ETV6: variants seen among roughly 807,000 people sequenced by gnomAD.
ETV6 encodes the protein transcription factor ETV6.
Under a neutral mutation model 51.1 loss-of-function variants are expected in ETV6, and 16 were observed. The ratio of observed to expected loss-of-function variants is 0.31; its 90% confidence interval spans 0.21 to 0.48. The LOEUF is 0.48. ETV6 is among the 20% of genes least tolerant of loss of function. The pLI, the probability that ETV6 is intolerant of heterozygous loss-of-function variation, is 0.99. For missense variants in ETV6, 458 were observed against 594.8 expected (o/e 0.77, Z 2.39); for synonymous variants, 240 against 224.1 (o/e 1.07, Z -0.64).
chr12:11,710,092 G>GA (rs1865145572), intron 1 of ETV6, among the ~76,000 whole-genome samples: 1 of 152,188 alleles, frequency 6.6e-6, no homozygotes, highest in Non-Finnish European at 1.5e-5. Context: ...GCGCATATCA[G>GA]AAAGGCATTT....
chr12:11,789,680 AGATT>A (rs1002939190), intron 2 of ETV6, among the ~76,000 whole-genome samples: 14 of 152,128 alleles, frequency 9.2e-5, no homozygotes, highest in African/African-American at 3.1e-4. Context: ...CATACTTGAT[AGATT>A]ATTTGTCTTA....
intron 1 of ETV6, among the ~76,000 whole-genome samples, chr12:11,682,786 T>C (rs1045292476): frequency 5.3e-5 from 8 of 152,220 alleles, no homozygotes; most frequent in African/African-American, 1.7e-4. Flanking sequence ...TTCAGTTTTC[T>C]GCATATGGCT....
At chr12:11,742,996 C>T (rs573878498) in intron 1 of ETV6, among the ~76,000 whole-genome samples, 4 of 151,876 alleles carry the variant, frequency 2.6e-5, no homozygotes, top group South Asian at 4.2e-4. Context: ...TTTGTAGAGA[C>T]GGGGTTTCGC....
intron 7 of ETV6, among the ~76,000 whole-genome samples, chr12:11,888,392 T>A (rs2136608937): frequency 2.1e-5 from 1 of 46,968 alleles, no homozygotes; most frequent in East Asian, 3.7e-4. Context: ...TCTTTTCTTT[T>A]CTTTTCTTTT....
At chr12:11,667,537 CTTTTTT>C (rs1555111943) in intron 1 of ETV6, among the ~76,000 whole-genome samples, 13 of 135,622 alleles carry the variant, frequency 9.6e-5, no homozygotes, top group African/African-American at 4.0e-4. Context: ...GGTTTATTTT[CTTTTTT>C]TTTTTTTTAA....
intron 1 of ETV6, among the ~76,000 whole-genome samples, chr12:11,724,408 C>G (rs1345885715): frequency 6.6e-6 from 1 of 152,202 alleles, no homozygotes; most frequent in Non-Finnish European, 1.5e-5. Flanking sequence ...TACCAGGAGA[C>G]TTTATACTTA....
chr12:11,792,870 G>A (rs1945623232), intron 2 of ETV6, among the ~76,000 whole-genome samples: 1 of 151,894 alleles, frequency 6.6e-6, no homozygotes, highest in Non-Finnish European at 1.5e-5. Flanking sequence ...GTTCTAAATG[G>A]TTACTTTATT....
chr12:11,871,162 C>G (rs1330162730), intron 5 of ETV6, among the ~76,000 whole-genome samples: 2 of 151,326 alleles, frequency 1.3e-5, no homozygotes, highest in Non-Finnish European at 2.9e-5. Flanking sequence ...CAGGCTCCTA[C>G]AAGCCTACTT....
chr12:11,734,516 CA>C (rs1043955081), intron 1 of ETV6, among the ~76,000 whole-genome samples: 75 of 68,468 alleles, frequency 1.1e-3, no homozygotes, highest in Non-Finnish European at 1.3e-3. Context: ...CTGAGATGAG[CA>C]AAAAAAAAAA....
intron 1 of ETV6, among the ~76,000 whole-genome samples, chr12:11,748,819 G>A (rs1269716128): frequency 1.3e-5 from 2 of 152,194 alleles, no homozygotes; most frequent in African/African-American, 4.8e-5. Flanking sequence ...AGAAATGGGA[G>A]AGGGAACGCA....
intron 1 of ETV6, 65 bp downstream of exon 1, chr12:11,650,225 T>C: frequency 7.1e-7 from 1 of 1,404,832 alleles, no homozygotes; most frequent in Non-Finnish European, 1.0e-6. Context: ...AGGGCAGTCG[T>C]GCTGGGCTCC....
At chr12:11,834,310 T>C in intron 2 of ETV6, among the ~76,000 whole-genome samples, 1 of 152,188 alleles carries the variant, frequency 6.6e-6, no homozygotes, top group Non-Finnish European at 1.5e-5. Flanking sequence ...ACTTCCAGGC[T>C]TCAGCTTCCA....
chr12:11,862,867 C>T (rs1392200233), intron 4 of ETV6, among the ~76,000 whole-genome samples: 1 of 152,084 alleles, frequency 6.6e-6, no homozygotes, highest in African/African-American at 2.4e-5. Flanking sequence ...GTTTGAATTC[C>T]ACCTCAAGAC....
At chr12:11,742,963 T>A (rs921557422) in intron 1 of ETV6, among the ~76,000 whole-genome samples, 3 of 152,076 alleles carry the variant, frequency 2.0e-5, no homozygotes, top group Non-Finnish European at 4.4e-5. Context: ...CATGCCACCA[T>A]GCCTGGCTAA....
chr12:11,822,223 G>A (rs2136437193), intron 2 of ETV6, among the ~76,000 whole-genome samples: 1 of 152,322 alleles, frequency 6.6e-6, no homozygotes, highest in African/African-American at 2.4e-5. Context: ...TGAGTGAACG[G>A]AGAGGTGGAC....
intron 3 of ETV6, among the ~76,000 whole-genome samples, chr12:11,846,799 T>A (rs1432702437): frequency 6.6e-6 from 1 of 152,246 alleles, no homozygotes; most frequent in Non-Finnish European, 1.5e-5. Flanking sequence ...GCTCTGCAGG[T>A]CATGTTCAGG....
intron 2 of ETV6, among the ~76,000 whole-genome samples, chr12:11,778,184 A>G (rs1945360124): frequency 1.3e-5 from 2 of 152,198 alleles, no homozygotes; most frequent in South Asian, 2.1e-4. Flanking sequence ...CACGATGCTT[A>G]TCTCATGCAG....
intron 1 of ETV6, 124 bp from the exon 2 acceptor site, chr12:11,752,326 G>A (rs1866046288): frequency 2.1e-6 from 2 of 961,690 alleles, no homozygotes; most frequent in Non-Finnish European, 3.2e-6. Context: ...GGATTGCTTG[G>A]GAAGCTGGTA....
chr12:11,888,657 C>A (rs1303333895), intron 7 of ETV6, among the ~76,000 whole-genome samples: 1 of 152,132 alleles, frequency 6.6e-6, no homozygotes, highest in Non-Finnish European at 1.5e-5. Context: ...CCCACCTTGG[C>A]CTCCCAAAGT....
Sources: gnomAD v4.1 joint callset for allele counts (sites outside exome capture counted in the v4.1 genomes callset) on GRCh38, gnomAD v4.1.1 for gene constraint, MANE v1.5 for transcripts, NCBI Gene and HGNC (gene_info 2026-07-23, HGNC 2026-07-21) for gene names.